LAMA3: variants seen among roughly 807,000 people sequenced by gnomAD.
The protein encoded by LAMA3 is laminin subunit alpha-3.
LAMA3 carries 281 observed loss-of-function variants against 402.0 expected under a neutral mutation model. The ratio of observed to expected loss-of-function variants is 0.70; its 90% CI spans 0.63 to 0.77. The LOEUF is 0.77. Ranked by LOEUF, LAMA3 falls within the 30% of genes least tolerant of loss-of-function variation. The pLI, the probability that LAMA3 is intolerant of heterozygous loss-of-function variation, is 0.00. For missense variants in LAMA3, 3,840 were observed against 4,215.5 expected, an observed-to-expected ratio of 0.91 and a Z score of 2.47; for synonymous variants, 1,431 against 1,558.4, an observed-to-expected ratio of 0.92 and a Z score of 1.93.
chr18:23,782,848 G>A lies in LAMA3; in HGVS notation c.1469-1175G>A, dbSNP rs180741857. Among the ~76,000 whole-genome samples, 91 of 137,022 alleles carry A rather than the reference G, an allele frequency of 6.6e-4. No homozygotes were observed. In the Middle Eastern group the frequency reaches 0.022, roughly 33 times the overall value. 89.9% of individuals were successfully genotyped at this position (137,022 alleles called of 152,430 possible). A position where few individuals can be genotyped will look rare whatever the true frequency, so the allele number is the denominator to read the frequency against. ...TACTTACCTGTCTTACAGGGCTCTT[G>A]TTTGACTTCATTATTATTTTTGAGC... On this transcript the variant is annotated intron_variant, in intron 11 of 74. Transcript: ENST00000313654.
Position 23,839,713 on chromosome 18 carries a change from T to A in LAMA3, c.3192-72T>A. 3.3e-6 allele frequency: 5 copies of A among 1,536,012 alleles called. No individual in the cohort carries two copies. The highest frequency in any genetic ancestry group is 1.8e-6 in the Non-Finnish European group (2 of 1,109,918). ...TGCAGTCCTATGCTCCAAGTCTGTC[T>A]CTTCACTGATGGTCAGTTCTGTAGC... On this transcript the variant is annotated intron_variant, in intron 26 of 74. Transcript: ENST00000313654. The surrounding 1 kb of genome is among the most constrained non-coding windows in gnomAD (Gnocchi z 4.5).
chr18:23,758,179 C>T (rs2061890199), intron 6 of LAMA3, among the ~76,000 whole-genome samples: 2 of 152,230 alleles, frequency 1.3e-5, no homozygotes, highest in African/African-American at 4.8e-5. Context: ...CTTAATACCT[C>T]TGATTCTCAG....
chr18:23,746,607 A>G (rs1335490693), intron 2 of LAMA3, among the ~76,000 whole-genome samples: 1 of 152,214 alleles, frequency 6.6e-6, no homozygotes, highest in African/African-American at 2.4e-5. Flanking sequence ...TAGAAAATAT[A>G]GTAATTTTTA....
chr18:23,828,052 G>C (rs1267100248), intron 23 of LAMA3, among the ~76,000 whole-genome samples: 1 of 152,144 alleles, frequency 6.6e-6, no homozygotes, highest in Non-Finnish European at 1.5e-5. Flanking sequence ...TTTCAGATTC[G>C]AGTTAGAGCT....
chr18:23,742,521 T>A (rs1210624978), intron 2 of LAMA3, among the ~76,000 whole-genome samples: 1 of 152,230 alleles, frequency 6.6e-6, no homozygotes, highest in Non-Finnish European at 1.5e-5. Context: ...GAAATATCCA[T>A]AAAATTTCTT....
At chr18:23,728,897 G>T (rs1164110270) in intron 2 of LAMA3, among the ~76,000 whole-genome samples, 1 of 151,878 alleles carries the variant, frequency 6.6e-6, no homozygotes, top group Non-Finnish European at 1.5e-5. Context: ...TAGGTGTGGT[G>T]GTGCGCACCT....
In LAMA3 at chr18:23,890,016, C is replaced by G. The variant is rs758871308; in HGVS notation, c.5309C>G (p.Ala1770Gly). 1 of 1,612,188 alleles carries G rather than the reference C, an allele frequency of 6.2e-7. No individual in the cohort carries two copies. ...CCTCTCTATATTTTGTGTAGGTGTG[C>G]ACCGGGATATTTCGGGAATCCCCAG... ...GYTGTQCERC[A>G]PGYFGNPQKF... Residue 1770 changes from alanine to glycine, a missense_variant, in exon 42 of 75, where the codon GCA (alanine) becomes GGA (glycine). Around this residue, in one of 3 missense-constraint regions of LAMA3, gnomAD observed 2,109 missense variants for 2,376.0 expected, o/e 0.89. Coordinates refer to ENST00000313654, the MANE Select transcript of LAMA3 (RefSeq NM_198129.4).
chr18:23,906,961 G>C, intron 52 of LAMA3, among the ~76,000 whole-genome samples: 1 of 152,178 alleles, frequency 6.6e-6, no homozygotes, highest in South Asian at 2.1e-4. Flanking sequence ...AGGAATGTCT[G>C]CTAGCTCCCT....
chr18:23,820,796 A>G (rs903552930), intron 19 of LAMA3, among the ~76,000 whole-genome samples: 1 of 152,126 alleles, frequency 6.6e-6, no homozygotes, highest in African/African-American at 2.4e-5. Flanking sequence ...TAGCGCATCC[A>G]AGACTGCTGC....
At chr18:23,756,661 C>T (rs2061850626) in intron 6 of LAMA3, among the ~76,000 whole-genome samples, 1 of 152,210 alleles carries the variant, frequency 6.6e-6, no homozygotes, top group East Asian at 1.9e-4. Context: ...CCATCTACCG[C>T]AGTGAGACAG....
intron 31 of LAMA3, among the ~76,000 whole-genome samples, chr18:23,847,184 T>C (rs1343250609): frequency 1.3e-5 from 2 of 152,096 alleles, no homozygotes; most frequent in Non-Finnish European, 2.9e-5. Context: ...CCAGAATCCT[T>C]CAATGGTCCA....
At chr18:23,740,833 TC>T (rs1287370716) in intron 2 of LAMA3, among the ~76,000 whole-genome samples, 1 of 152,188 alleles carries the variant, frequency 6.6e-6, no homozygotes, top group African/African-American at 2.4e-5. Context: ...CTTAGGGACC[TC>T]TTGAGGCCCT....
intron 41 of LAMA3, among the ~76,000 whole-genome samples, chr18:23,885,305 C>T (rs2065036379): frequency 6.6e-6 from 1 of 150,892 alleles, no homozygotes; most frequent in Admixed American, 6.6e-5. Flanking sequence ...CACATATCCA[C>T]AGCCCTAGCC....
At chr18:23,868,632 A>C (rs1045513307) in intron 37 of LAMA3, among the ~76,000 whole-genome samples, 1 of 152,112 alleles carries the variant, frequency 6.6e-6, no homozygotes, top group Non-Finnish European at 1.5e-5. Flanking sequence ...ACAAACAAAA[A>C]ACCTGTGAGC....
chr18:23,803,936 G>A (rs771794706), intron 12 of LAMA3, among the ~76,000 whole-genome samples: 2 of 152,174 alleles, frequency 1.3e-5, no homozygotes, highest in Non-Finnish European at 2.9e-5. Context: ...TAGCTTACTT[G>A]TGTAGAGGCT....
intron 12 of LAMA3, among the ~76,000 whole-genome samples, chr18:23,797,709 C>T (rs563746291): frequency 1.5e-4 from 23 of 150,288 alleles, no homozygotes; most frequent in African/African-American, 4.9e-4. Context: ...AGCGAGACTC[C>T]GTCTCAAAAA....
In LAMA3 at chr18:23,824,533, G is replaced by T; in HGVS notation, c.2539G>T (p.Val847Phe). ...DPFSITPGIWVACIKAEGVLL... is the reference protein window; with the variant it reads ...DPFSITPGIWFACIKAEGVLL... The stretch of plus-strand genomic sequence containing the variant: ...ATTTTCAATCACACCAGGAATATGG[G>T]TTGCTTGTATTAAGGCAGAAGGAGT... Residue 847 changes from valine to phenylalanine, a missense_variant, in exon 21 of 75, where the codon GTT becomes TTT. By Grantham distance (50) the Val-to-Phe change is conservative. Transcript: ENST00000313654. 1.2e-6 allele frequency: 2 copies of T among 1,614,098 alleles called. No homozygotes were observed. Among genetic ancestry groups the T allele is most frequent in the Non-Finnish European group, 1.7e-6 (2 of 1,179,974 alleles).
intron 68 of LAMA3, among the ~76,000 whole-genome samples, chr18:23,943,202 C>A (rs534497351): frequency 6.6e-6 from 1 of 152,206 alleles, no homozygotes; most frequent in African/African-American, 2.4e-5. Flanking sequence ...AGGACAAGTC[C>A]CCTACAATTC....
chr18:23,877,501 T>C (rs1202268392), intron 39 of LAMA3, among the ~76,000 whole-genome samples: 1 of 152,164 alleles, frequency 6.6e-6, no homozygotes, highest in African/African-American at 2.4e-5. Flanking sequence ...CTTTTGGAAA[T>C]GCACTCCTCT....
Sources: allele counts gnomAD v4.1 joint callset (sites outside exome capture counted in the v4.1 genomes callset), GRCh38; gene constraint gnomAD v4.1.1; regional missense constraint gnomAD v4.1.1; non-coding constraint Gnocchi (gnomAD v3.1); transcripts MANE v1.5; gene names NCBI Gene and HGNC (gene_info 2026-07-23, HGNC 2026-07-21).